Variants in PEA15 observed in about 807,000 individuals in gnomAD.
PEA15 encodes the protein astrocytic phosphoprotein PEA-15.
For synonymous variants in PEA15, 60 were observed against 61.8 expected (o/e 0.97, Z 0.13); for missense variants, 77 against 161.3 (o/e 0.48, Z 2.83).
rs762013196 is a variant in PEA15, at chr1:160,208,569, C to G, written c.-2-2974C>G. On this transcript the variant is annotated intron_variant, in intron 1 of 3. Transcript: ENST00000360472. The surrounding 1 kb of genome is among the most constrained non-coding windows in gnomAD (Gnocchi z 4.1). ...CCAGAGAGCAGATTTCTCCACGAGCCCTAAGGAAATCTGAATCTCTGGTGA... is the reference window on the plus strand; with the variant it reads ...CCAGAGAGCAGATTTCTCCACGAGCGCTAAGGAAATCTGAATCTCTGGTGA... 19 of 1,540,438 alleles carry G rather than the reference C, an allele frequency of 1.2e-5. No individual in the cohort carries two copies. The South Asian group carries it at 2.0e-4, about 16-fold the overall frequency.
intron 2 of PEA15, 102 bp downstream of exon 2, chr1:160,211,818 C>A: frequency 9.1e-7 from 1 of 1,099,270 alleles, no homozygotes. Flanking sequence ...AATGTGTACC[C>A]CTCTATAGCA....
chr1:160,209,620 A>T lies in PEA15; in HGVS notation c.-2-1923A>T, dbSNP rs115752142. ...TTCCATATGAAAGCAGGGAAGTATA[A>T]CCCCCAATCCTGCCCCCTTTTCCAG... On this transcript the variant is annotated intron_variant, in intron 1 of 3. Coordinates refer to ENST00000360472, the MANE Select transcript of PEA15 (RefSeq NM_003768.5). Among the ~76,000 whole-genome samples, 978 of 152,048 alleles carry T rather than the reference A, an allele frequency of 6.4e-3. 11 individuals are homozygous for T. The highest frequency in any genetic ancestry group is 0.022 in the African/African-American group (923 of 41,464).
rs17551437 is a variant in PEA15 at position 160,205,420 on chromosome 1, A to AGCGGCG, written c.-91_-86dup. 1,027 of 182,404 alleles carry AGCGGCG rather than the reference A, an allele frequency of 5.6e-3. 10 individuals carry two copies. Among genetic ancestry groups the AGCGGCG allele is most frequent in the Non-Finnish European group, 8.3e-3 (756 of 91,610 alleles). 11.3% of individuals were successfully genotyped at this position (182,404 alleles called of 1,614,324 possible). On this transcript the variant is annotated 5_prime_UTR_variant, in exon 1 of 4. Transcript: ENST00000360472. The surrounding 1 kb of genome is among the most constrained non-coding windows in gnomAD (Gnocchi z 5.9). The stretch of plus-strand genomic sequence containing the variant: ...CGGAAGAGGCGGCGGCGGCGGCAGA[A>AGCGGCG]GCGGCGGCGGCGGCGGCGGGAGCCG...
chr1:160,210,791 C>A (rs1388937236), intron 1 of PEA15, among the ~76,000 whole-genome samples: 1 of 152,176 alleles, frequency 6.6e-6, no homozygotes, highest in Non-Finnish European at 1.5e-5. Context: ...GCTGCAGGCA[C>A]AGCACAAAGG....
chr1:160,208,706 A>G lies in PEA15; in HGVS notation c.-2-2837A>G, dbSNP rs1489992887. On this transcript the variant is annotated intron_variant, in intron 1 of 3. Transcript: ENST00000360472. The surrounding 1 kb of genome is among the most constrained non-coding windows in gnomAD (Gnocchi z 4.1). ...AGTGAGAATTGAGAGCAGTTCCCCT[A>G]AACAACACTCCCTTTGCTTCTTCTG... The G allele has an allele frequency of 4.7e-6, 7 of 1,485,700 alleles. No individual in the cohort carries two copies. The highest frequency in any genetic ancestry group is 2.0e-5 in the Admixed American group (1 of 50,880). The allele number at this position is 1,485,700 out of a possible 1,614,324, so 92.0% of individuals were successfully genotyped here.
chr1:160,207,966 G>A (rs1306295120), intron 1 of PEA15, among the ~76,000 whole-genome samples: 2 of 152,184 alleles, frequency 1.3e-5, no homozygotes, highest in African/African-American at 4.8e-5. Context: ...CCTCCCCTCA[G>A]GCTTAGGCAG....
intron 1 of PEA15, chr1:160,211,160 A>C (rs1250336315): frequency 3.1e-6 from 1 of 318,380 alleles, no homozygotes; most frequent in Non-Finnish European, 4.6e-6. Context: ...AGGGGTTGGA[A>C]GTGGGTGGGG....
chr1:160,212,189 T>C (rs1029856118), intron 2 of PEA15, among the ~76,000 whole-genome samples: 2 of 151,268 alleles, frequency 1.3e-5, no homozygotes, highest in Non-Finnish European at 2.9e-5. Flanking sequence ...TGGATTAGAG[T>C]AATCCCTCAC....
At position 160,214,401 on chromosome 1, in the gene PEA15, T is replaced by C. The variant is rs1469813277; in HGVS notation, c.*915T>C. The C allele has an allele frequency of 2.0e-5, 3 of 152,630 alleles. No individual in the cohort carries two copies. Among genetic ancestry groups the C allele is most frequent in the Admixed American group, 1.3e-4 (2 of 15,284 alleles). The allele number at this position is 152,630 out of a possible 1,614,324, so 9.5% of individuals were successfully genotyped here. On this transcript the variant is annotated 3_prime_UTR_variant, in exon 4 of 4. Coordinates refer to ENST00000360472, the MANE Select transcript of PEA15 (RefSeq NM_003768.5). The stretch of plus-strand genomic sequence containing the variant: ...CAAGCCAGAAAGAAGTTAACTACAG[T>C]GTTTTCCTTTGCACCGATCCCCACC...
Position 160,208,534 on chromosome 1 carries a change from T to C in PEA15, c.-2-3009T>C. The C allele has an allele frequency of 7.1e-7, 1 of 1,399,304 alleles. No homozygotes were observed. Among genetic ancestry groups the C allele is most frequent in the South Asian group, 1.2e-5 (1 of 80,998 alleles). 86.7% of individuals were successfully genotyped at this position (1,399,304 alleles called of 1,614,324 possible). On this transcript the variant is annotated intron_variant, in intron 1 of 3. Transcript: ENST00000360472. This position sits in a 1 kb window ranked among gnomAD's most constrained non-coding sequence, Gnocchi z 4.1. ...GCACTGCTCCAGAAATCAGGAGGAT[T>C]TTTCAGAGCCCAGAGAGCAGATTTC... is the stretch of plus-strand genomic sequence containing the variant.
Position 160,208,343 on chromosome 1 carries a change from G to A in PEA15, c.-3+2821G>A. 2.1e-6 allele frequency: 1 copy of A among 481,064 alleles called. No individual in the cohort carries two copies. Among genetic ancestry groups the A allele is most frequent in the South Asian group, 2.6e-5 (1 of 38,436 alleles). 29.8% of individuals were successfully genotyped at this position (481,064 alleles called of 1,614,324 possible). On this transcript the variant is annotated intron_variant, in intron 1 of 3. Transcript: ENST00000360472. This position sits in a 1 kb window ranked among gnomAD's most constrained non-coding sequence, Gnocchi z 4.1. Reference sequence around the variant, plus strand: ...GCCAGCTTGGAAGGAGAGGGAGGCAGGAAGGAAGGAAGGTGTGAGGAAGCG... The same window carrying A: ...GCCAGCTTGGAAGGAGAGGGAGGCAAGAAGGAAGGAAGGTGTGAGGAAGCG...
chr1:160,211,859 G>A (rs757139508), intron 2 of PEA15, 143 bp downstream of exon 2: 5 of 687,912 alleles, frequency 7.3e-6, no homozygotes, highest in Non-Finnish European at 1.2e-5. Context: ...AAGAGTATGG[G>A]GGCCTTAGAC....
rs1376386701 is a variant in PEA15 at position 160,215,164 on chromosome 1, C to G, written c.*1678C>G. ...TTAGAGTGAGAGAGAGAATAAGGAGCCTTTCTTATGGAAGAAATGGGAGAA... is the reference window on the plus strand; with the variant it reads ...TTAGAGTGAGAGAGAGAATAAGGAGGCTTTCTTATGGAAGAAATGGGAGAA... On this transcript the variant is annotated 3_prime_UTR_variant, in exon 4 of 4. Transcript: ENST00000360472. 1 of 152,520 alleles carries G rather than the reference C, an allele frequency of 6.6e-6. No individual in the cohort carries two copies. The allele number at this position is 152,520 out of a possible 1,614,324, so 9.4% of individuals were successfully genotyped here. A position where few individuals can be genotyped will look rare whatever the true frequency, so the allele number is the denominator to read the frequency against.
At chr1:160,212,541 G>A (rs1476589087) in intron 2 of PEA15, among the ~76,000 whole-genome samples, 1 of 152,116 alleles carries the variant, frequency 6.6e-6, no homozygotes, top group Non-Finnish European at 1.5e-5. Context: ...TATGGCAACA[G>A]TCAGAGGGGA....
intron 1 of PEA15, among the ~76,000 whole-genome samples, chr1:160,209,698 C>A (rs1226671941): frequency 6.6e-6 from 1 of 152,186 alleles, no homozygotes; most frequent in Non-Finnish European, 1.5e-5. Flanking sequence ...TTCTTGTCTC[C>A]TGCTGCGCTT....
intron 1 of PEA15, among the ~76,000 whole-genome samples, chr1:160,210,971 A>C (rs150270454): frequency 6.6e-6 from 1 of 152,190 alleles, no homozygotes; most frequent in Non-Finnish European, 1.5e-5. Context: ...CATCTATCCA[A>C]AATGAGTCAT....
At position 160,208,440 on chromosome 1, in the gene PEA15, C is replaced by T; in HGVS notation, c.-3+2918C>T. On this transcript the variant is annotated intron_variant, in intron 1 of 3. Transcript: ENST00000360472. The surrounding 1 kb of genome is among the most constrained non-coding windows in gnomAD (Gnocchi z 4.1). ...GCAGCCGGGGCTCCGGTTCCTGATT[C>T]CTGCCCTGGTATCCTGTCCCAAGAA... 6 of 629,438 alleles carry T rather than the reference C, an allele frequency of 9.5e-6. No homozygotes were observed. The South Asian group carries it at 1.2e-4, about 13-fold the overall frequency. The allele number at this position is 629,438 out of a possible 1,614,324, so 39.0% of individuals were successfully genotyped here. A position where few individuals can be genotyped will look rare whatever the true frequency, so the allele number is the denominator to read the frequency against.
At chr1:160,210,654 A>AG (rs1297715833) in intron 1 of PEA15, among the ~76,000 whole-genome samples, 2 of 152,060 alleles carry the variant, frequency 1.3e-5, no homozygotes, top group East Asian at 1.9e-4. Flanking sequence ...CGATACGAGA[A>AG]GGGGGGGCAG....
In PEA15 at chr1:160,208,216, A is replaced by G. The variant is rs115990946; in HGVS notation, c.-3+2694A>G. 3,886 of 173,554 alleles carry G rather than the reference A, an allele frequency of 0.022. 155 individuals are homozygous for G. Among genetic ancestry groups the G allele is most frequent in the African/African-American group, 0.087 (3,684 of 42,296 alleles). 10.8% of individuals were successfully genotyped at this position (173,554 alleles called of 1,614,324 possible). A position where few individuals can be genotyped will look rare whatever the true frequency, so the allele number is the denominator to read the frequency against. On this transcript the variant is annotated intron_variant, in intron 1 of 3. Transcript: ENST00000360472. The surrounding 1 kb of genome is among the most constrained non-coding windows in gnomAD (Gnocchi z 4.1). ...TTACCCCAGTGCCCATGGAGCTCCC[A>G]CCTGTCCCACCCTAAAAGGTCAGTA...
Sources: allele counts gnomAD v4.1 joint callset (sites outside exome capture counted in the v4.1 genomes callset), GRCh38; gene constraint gnomAD v4.1.1; non-coding constraint Gnocchi (gnomAD v3.1); transcripts MANE v1.5; gene names NCBI Gene and HGNC (gene_info 2026-07-23, HGNC 2026-07-21).